KIF13A: variants seen among roughly 807,000 people sequenced by gnomAD.
KIF13A encodes kinesin family member 13A, also known as kinesin-like protein KIF13A.
KIF13A carries 79 observed loss-of-function variants against 212.2 expected under a neutral mutation model. That is an observed-to-expected ratio of 0.37 (90% CI 0.31 to 0.45). The LOEUF is 0.45. KIF13A is among the 20% of genes least tolerant of loss of function. The probability of loss-of-function intolerance (pLI) is 1.00; values close to 1 mark genes in which losing one functional copy is unlikely to be tolerated. For missense variants in KIF13A, 1,901 were observed against 2,209.0 expected, an observed-to-expected ratio of 0.86 and a Z score of 2.79; for synonymous variants, 789 against 808.6, an observed-to-expected ratio of 0.98 and a Z score of 0.41.
Position 17,764,995 on chromosome 6 carries a change from ACTGTTGAGACAAGTTTTAAATACTTGG to A in KIF13A, c.4582-76_4582-50del. On this transcript the variant is annotated intron_variant, in intron 38 of 38. Coordinates refer to ENST00000259711, the MANE Select transcript of KIF13A (RefSeq NM_022113.6). This position sits in a 1 kb window ranked among gnomAD's most constrained non-coding sequence, Gnocchi z 5.1. ...GTCATTAGCTCCTTGTAGCAACTGTACTGTTGAGACAAGTTTTAAATACTTGGCTGTTAAAGGCATTCACATTCACAT... is the reference window on the plus strand; with the variant it reads ...GTCATTAGCTCCTTGTAGCAACTGTACTGTTAAAGGCATTCACATTCACAT... 2 of 1,376,982 alleles carry A rather than the reference ACTGTTGAGACAAGTTTTAAATACTTGG, an allele frequency of 1.5e-6. No individual in the cohort carries two copies. The highest frequency in any genetic ancestry group is 2.0e-6 in the Non-Finnish European group (2 of 1,011,822). The allele number at this position is 1,376,982 out of a possible 1,614,324, so 85.3% of individuals were successfully genotyped here.
chr6:17,987,455 A>T lies in KIF13A; in HGVS notation c.9T>A (p.Asp3Glu). The T allele has an allele frequency of 4.5e-6, 6 of 1,322,686 alleles. No individual in the cohort carries two copies. Among genetic ancestry groups the T allele is most frequent in the Non-Finnish European group, 6.0e-6 (6 of 1,004,266 alleles). 81.9% of individuals were successfully genotyped at this position (1,322,686 alleles called of 1,614,324 possible). MS[D>E]TKVKVAVRVR... ...CCCGGACGGCAACTTTTACCTTGGT[A>T]TCCGACATGTTGGCTGCGCTCGCCC... is the stretch of plus-strand genomic sequence containing the variant. Residue 3 changes from aspartate (D) to glutamate (E), a missense_variant, in exon 1 of 39, where the codon GAT (aspartate) becomes GAA (glutamate). By Grantham distance (45) the Asp-to-Glu change is conservative. Coordinates refer to ENST00000259711, the MANE Select transcript of KIF13A (RefSeq NM_022113.6). This position sits in a 1 kb window ranked among gnomAD's most constrained non-coding sequence, Gnocchi z 7.7.
intron 3 of KIF13A, among the ~76,000 whole-genome samples, chr6:17,879,331 G>A (rs1416528342): frequency 6.6e-6 from 1 of 152,160 alleles, no homozygotes; most frequent in Non-Finnish European, 1.5e-5. Flanking sequence ...GGCACTGTAT[G>A]TAATATTTTT....
rs1766331320 is a variant in KIF13A, at chr6:17,839,769, T to G, written c.831-2186A>C. ...GTGAAGATGCAGGCAGAGACTGGAG[T>G]GATGCATCTACAAGACAGGGAACGC... is the stretch of plus-strand genomic sequence containing the variant. On this transcript the variant is annotated intron_variant, in intron 9 of 38. Coordinates refer to ENST00000259711, the MANE Select transcript of KIF13A (RefSeq NM_022113.6). This position sits in a 1 kb window ranked among gnomAD's most constrained non-coding sequence, Gnocchi z 4.3. Among the ~76,000 whole-genome samples the G allele has an allele frequency of 6.6e-6, 1 of 151,754 alleles. No homozygotes were observed. The highest frequency in any genetic ancestry group is 1.5e-5 in the Non-Finnish European group (1 of 67,928).
chr6:17,786,908 G>GT lies in KIF13A; in HGVS notation c.3361+867dup, dbSNP rs1175358519. Among the ~76,000 whole-genome samples, 40 of 152,282 alleles carry GT rather than the reference G, an allele frequency of 2.6e-4. No homozygotes were observed. The highest frequency in any genetic ancestry group is 6.2e-4 in the South Asian group (3 of 4,820). On this transcript the variant is annotated intron_variant, in intron 27 of 38. Transcript: ENST00000259711. This position sits in a 1 kb window ranked among gnomAD's most constrained non-coding sequence, Gnocchi z 5.4. Reference sequence around the variant, plus strand: ...GTTCTTTGCTGCAGAACCAACCACCGTGAGTGGACCATGATGTCTGGATGA... The same window carrying GT: ...GTTCTTTGCTGCAGAACCAACCACCGTTGAGTGGACCATGATGTCTGGATGA...
chr6:17,836,814 C>T, intron 11 of KIF13A, 64 bp downstream of exon 11: 2 of 1,438,390 alleles, frequency 1.4e-6, no homozygotes, highest in South Asian at 2.3e-5. Context: ...ATGAGCACAC[C>T]CTTGCCAGTC....
intron 16 of KIF13A, among the ~76,000 whole-genome samples, chr6:17,819,988 A>C (rs1581413103): frequency 6.6e-6 from 1 of 152,108 alleles, no homozygotes; most frequent in Admixed American, 6.6e-5. Context: ...CCGTTTTATA[A>C]AACTGCATTA....
chr6:17,969,076 T>C (rs181195831), intron 2 of KIF13A, among the ~76,000 whole-genome samples: 1 of 152,320 alleles, frequency 6.6e-6, no homozygotes, highest in Non-Finnish European at 1.5e-5. Context: ...GTACAGGAAA[T>C]GAAACATCCA....
intron 2 of KIF13A, among the ~76,000 whole-genome samples, chr6:17,964,595 T>A (rs1779131691): frequency 6.6e-6 from 1 of 152,146 alleles, no homozygotes; most frequent in African/African-American, 2.4e-5. Context: ...AGGAAGAAAG[T>A]GTAGGTGGAA....
chr6:17,974,931 AAGATAT>A (rs2150619181), intron 2 of KIF13A, among the ~76,000 whole-genome samples: 1 of 152,362 alleles, frequency 6.6e-6, no homozygotes, highest in Non-Finnish European at 1.5e-5. Context: ...TTGGACAGTG[AAGATAT>A]AGCATATTTC....
intron 18 of KIF13A, among the ~76,000 whole-genome samples, chr6:17,808,278 C>T (rs1175343547): frequency 1.3e-5 from 2 of 152,094 alleles, no homozygotes; most frequent in Non-Finnish European, 2.9e-5. Context: ...CCCAGCTACT[C>T]GGGAGGTTGA....
chr6:17,868,989 CAAAAAAAAA>C (rs71002278), intron 4 of KIF13A, among the ~76,000 whole-genome samples: 21 of 20,918 alleles, frequency 1.0e-3, no homozygotes, highest in South Asian at 6.0e-3. Flanking sequence ...GACTCCCTCT[CAAAAAAAAA>C]AAAAAAAAAA....
chr6:17,770,869 C>A, intron 38 of KIF13A: 1 of 593,124 alleles, frequency 1.7e-6, no homozygotes. Flanking sequence ...AGGCCAGAAG[C>A]AATAAAAGTG....
chr6:17,872,944 A>C lies in KIF13A; in HGVS notation c.220+433T>G, dbSNP rs1391894906. Among the ~76,000 whole-genome samples the C allele has an allele frequency of 6.6e-6, 1 of 152,148 alleles. No homozygotes were observed. Among genetic ancestry groups the C allele is most frequent in the East Asian group, 1.9e-4 (1 of 5,194 alleles). ...AGCCACCATGCCCGGACGAAAAATA[A>C]ATTTTTAAAAAGATGAAATATCTAA... On this transcript the variant is annotated intron_variant, in intron 4 of 38. Coordinates refer to ENST00000259711, the MANE Select transcript of KIF13A (RefSeq NM_022113.6). The surrounding 1 kb of genome is among the most constrained non-coding windows in gnomAD (Gnocchi z 4.7).
chr6:17,966,021 C>T (rs1242313563), intron 2 of KIF13A, among the ~76,000 whole-genome samples: 1 of 152,134 alleles, frequency 6.6e-6, no homozygotes, highest in African/African-American at 2.4e-5. Flanking sequence ...TGGCAAAACC[C>T]CATCTCTACT....
Position 17,783,972 on chromosome 6 carries a change from G to A in KIF13A, c.3489-271C>T, listed in dbSNP as rs561862625. Reference sequence around the variant, plus strand: ...CTTTCTAAAAATAATTCCCATGAGAGGTAAAGGGAAGGGGGGATGTTGTTA... The same window carrying A: ...CTTTCTAAAAATAATTCCCATGAGAAGTAAAGGGAAGGGGGGATGTTGTTA... On this transcript the variant is annotated intron_variant, in intron 28 of 38. Transcript: ENST00000259711. The surrounding 1 kb of genome is among the most constrained non-coding windows in gnomAD (Gnocchi z 4.3). Among the ~76,000 whole-genome samples the A allele has an allele frequency of 2.6e-5, 4 of 152,314 alleles. No homozygotes were observed. The highest frequency in any genetic ancestry group is 2.6e-4 in the Admixed American group (4 of 15,306).
chr6:17,868,989 CAAAAAAAAAAAAAAAAAA>C (rs71002278), intron 4 of KIF13A, among the ~76,000 whole-genome samples: 15 of 20,922 alleles, frequency 7.2e-4, no homozygotes, highest in African/African-American at 2.0e-3. Flanking sequence ...GACTCCCTCT[CAAAAAAAAAAAAAAAAAA>C]AAAAAAAAAA....
At chr6:17,940,391 C>T (rs886953642) in intron 2 of KIF13A, among the ~76,000 whole-genome samples, 2 of 152,106 alleles carry the variant, frequency 1.3e-5, no homozygotes, top group African/African-American at 4.8e-5. Flanking sequence ...ACAAGGGATT[C>T]GAGCATGCAA....
At chr6:17,804,841 A>AAAAAAAAAAAAT in intron 19 of KIF13A, among the ~76,000 whole-genome samples, 2 of 143,996 alleles carry the variant, frequency 1.4e-5, no homozygotes, top group Non-Finnish European at 1.5e-5. Flanking sequence ...AAAAAAAAAA[A>AAAAAAAAAAAAT]AAAAGAATTA....
chr6:17,760,930 C>G (rs912132273), downstream of KIF13A: 5 of 1,584,310 alleles, frequency 3.2e-6, no homozygotes, highest in African/African-American at 6.7e-5. Context: ...CTCCCCACCC[C>G]ACCCACAGCA....
Sources: gnomAD v4.1 joint callset for allele counts (sites outside exome capture counted in the v4.1 genomes callset) on GRCh38, gnomAD v4.1.1 for gene constraint, Gnocchi (gnomAD v3.1) non-coding constraint, MANE v1.5 for transcripts, NCBI Gene and HGNC (gene_info 2026-07-23, HGNC 2026-07-21) for gene names.